The following MGA variants were observed in gnomAD, a reference collection of about 807,000 sequenced individuals.
MGA encodes MAX gene-associated protein.
A neutral mutation model predicts 261.1 loss-of-function variants in MGA; 40 were observed. The ratio of observed to expected loss-of-function variants is 0.15; its 90% confidence interval spans 0.12 to 0.20. The LOEUF (loss-of-function observed/expected upper bound fraction) is 0.20. MGA is among the 10% of genes least tolerant of loss of function. The pLI, the probability that MGA is intolerant of heterozygous loss-of-function variation, is 1.00. For synonymous variants in MGA, 1,302 were observed against 1,290.6 expected, an observed-to-expected ratio of 1.01 and a Z score of -0.19; for missense variants, 3,397 against 3,630.5, an observed-to-expected ratio of 0.94 and a Z score of 1.65.
intron 1 of MGA, among the ~76,000 whole-genome samples, chr15:41,649,271 A>C (rs7183061): frequency 0.26 from 39,383 of 151,532 alleles, 5,517 homozygotes; most frequent in Middle Eastern, 0.43. Context: ...AATCCCAGCT[A>C]TTCGGGAGGC....
chr15:41,621,899 C>T (rs1045386159), intron 1 of MGA, among the ~76,000 whole-genome samples: 3 of 152,168 alleles, frequency 2.0e-5, no homozygotes, highest in Non-Finnish European at 4.4e-5. Context: ...CTTTTCGTGG[C>T]GTCCTGCTCC....
intron 2 of MGA, 64 bp downstream of exon 2, chr15:41,670,022 TTAA>T (rs1258733464): frequency 7.5e-7 from 1 of 1,332,440 alleles, no homozygotes; most frequent in African/African-American, 1.5e-5. Flanking sequence ...GGTGTTGGAT[TTAA>T]CATCTTGGTT....
chr15:41,756,477 A>G (rs1361093781), intron 18 of MGA, among the ~76,000 whole-genome samples: 1 of 152,220 alleles, frequency 6.6e-6, no homozygotes, highest in African/African-American at 2.4e-5. Context: ...GTACATTGTT[A>G]TTACCAGTTT....
chr15:41,622,885 C>CT (rs750813900), intron 1 of MGA, among the ~76,000 whole-genome samples: 10 of 152,238 alleles, frequency 6.6e-5, no homozygotes, highest in Admixed American at 2.0e-4. Context: ...TTTATTATAC[C>CT]TTTTGATTTA....
At chr15:41,645,947 T>G (rs1394756814) in intron 1 of MGA, among the ~76,000 whole-genome samples, 1 of 152,204 alleles carries the variant, frequency 6.6e-6, no homozygotes, top group African/African-American at 2.4e-5. Flanking sequence ...TAGGTTGAAT[T>G]CATTGAGACA....
chr15:41,680,423 C>T (rs1192372142), intron 2 of MGA, among the ~76,000 whole-genome samples: 1 of 152,060 alleles, frequency 6.6e-6, no homozygotes, highest in East Asian at 1.9e-4. Flanking sequence ...TGAATAAGAA[C>T]CCATAGTTGG....
rs530151544 is a variant in MGA at position 41,682,070 on chromosome 15, A to G, written c.1064+12112A>G. Among the ~76,000 whole-genome samples, 25 of 151,958 alleles carry G rather than the reference A, an allele frequency of 1.6e-4. No homozygotes were observed. In the Middle Eastern group the frequency reaches 0.01, roughly 62 times the overall value. ...GTAGCTGGGATTACAGGCATGTGCCACCATGCCCGGCTAATTTTGTATTTT... is the reference window on the plus strand; with the variant it reads ...GTAGCTGGGATTACAGGCATGTGCCGCCATGCCCGGCTAATTTTGTATTTT... On this transcript the variant is annotated intron_variant, in intron 2 of 23. Transcript: ENST00000219905.
At chr15:41,703,661 G>A (rs2059966913) in intron 5 of MGA, among the ~76,000 whole-genome samples, 1 of 152,168 alleles carries the variant, frequency 6.6e-6, no homozygotes, top group African/African-American at 2.4e-5. Flanking sequence ...AGAATTGCTT[G>A]AAACTGGGAG....
intron 9 of MGA, among the ~76,000 whole-genome samples, chr15:41,722,254 C>T (rs1260490488): frequency 2.6e-5 from 4 of 151,486 alleles, no homozygotes; most frequent in Non-Finnish European, 5.9e-5. Context: ...CTCAGCCTCC[C>T]GAGTAGCTGG....
intron 1 of MGA, among the ~76,000 whole-genome samples, chr15:41,666,963 T>G (rs923088726): frequency 1.1e-4 from 17 of 152,200 alleles, no homozygotes; most frequent in Admixed American, 7.9e-4. Flanking sequence ...CTTTTGATAT[T>G]TTCAAGTTGC....
At chr15:41,675,811 A>G (rs537146234) in intron 2 of MGA, among the ~76,000 whole-genome samples, 4 of 152,270 alleles carry the variant, frequency 2.6e-5, no homozygotes, top group South Asian at 2.1e-4. Flanking sequence ...GGCAAAATCA[A>G]TTCATACCCT....
At chr15:41,637,809 A>T (rs1036753325) in intron 1 of MGA, among the ~76,000 whole-genome samples, 6 of 151,454 alleles carry the variant, frequency 4.0e-5, no homozygotes, top group African/African-American at 1.5e-4. Context: ...CAATGGCGTG[A>T]TCTCTGCTCA....
rs539356977 is a variant in MGA, at chr15:41,732,427, C to T, written c.3844-2095C>T. Among the ~76,000 whole-genome samples the T allele has an allele frequency of 3.9e-5, 6 of 152,304 alleles. No homozygotes were observed. The East Asian group carries it at 5.8e-4, about 15-fold the overall frequency. ...CCTCCCAAAGTGCTGGGATTACCCACGTGAGCCACCGTGCCCGGCCTGTTA... is the reference window on the plus strand; with the variant it reads ...CCTCCCAAAGTGCTGGGATTACCCATGTGAGCCACCGTGCCCGGCCTGTTA... On this transcript the variant is annotated intron_variant, in intron 11 of 23. Transcript: ENST00000219905.
intron 2 of MGA, among the ~76,000 whole-genome samples, chr15:41,687,852 T>C (rs2059050834): frequency 6.6e-6 from 1 of 152,220 alleles, no homozygotes; most frequent in Non-Finnish European, 1.5e-5. Context: ...GATAGTGTTA[T>C]TCAGTTCTTC....
intron 1 of MGA, among the ~76,000 whole-genome samples, chr15:41,666,898 A>G (rs950334856): frequency 3.9e-5 from 6 of 152,244 alleles, no homozygotes; most frequent in African/African-American, 9.6e-5. Context: ...GTGAATTAAG[A>G]AAACTTAAAG....
chr15:41,631,449 C>T (rs1037230385), intron 1 of MGA, among the ~76,000 whole-genome samples: 2 of 152,136 alleles, frequency 1.3e-5, no homozygotes, highest in African/African-American at 4.8e-5. Context: ...AGGAGGATTG[C>T]TTGAGGCTAG....
chr15:41,722,576 T>G (rs1173956803), intron 9 of MGA, among the ~76,000 whole-genome samples: 3 of 152,230 alleles, frequency 2.0e-5, no homozygotes, highest in Non-Finnish European at 2.9e-5. Flanking sequence ...TTGATAGCAC[T>G]GTTCTATTTC....
At chr15:41,712,505 A>G (rs1188160237) in intron 8 of MGA, among the ~76,000 whole-genome samples, 1 of 152,220 alleles carries the variant, frequency 6.6e-6, no homozygotes, top group Non-Finnish European at 1.5e-5. Flanking sequence ...AGCATGAGCC[A>G]CTGCGCCTGG....
At chr15:41,714,452 T>G (rs1174377109) in intron 9 of MGA, among the ~76,000 whole-genome samples, 1 of 152,200 alleles carries the variant, frequency 6.6e-6, no homozygotes, top group African/African-American at 2.4e-5. Flanking sequence ...ATGTTAAACA[T>G]TTGTAGATGT....
Sources: gnomAD v4.1 joint callset for allele counts (sites outside exome capture counted in the v4.1 genomes callset) on GRCh38, gnomAD v4.1.1 for gene constraint, MANE v1.5 for transcripts, NCBI Gene and HGNC (gene_info 2026-07-23, HGNC 2026-07-21) for gene names.